SLC39A11: variants seen among roughly 807,000 people sequenced by gnomAD.
The protein encoded by SLC39A11 is solute carrier family 39 member 11.
In SLC39A11, 33 loss-of-function variants were observed where a neutral mutation model predicts 36.1. The ratio of observed to expected loss-of-function variants is 0.91; its 90% CI spans 0.69 to 1.22. The LOEUF (loss-of-function observed/expected upper bound fraction) is 1.22. Among genes scored for constraint, SLC39A11 ranks in the 50% most tolerant of loss-of-function variants. The probability of loss-of-function intolerance (pLI) is 0.00; values close to 1 mark genes in which losing one functional copy is unlikely to be tolerated. For synonymous variants in SLC39A11, 166 were observed against 170.3 expected (o/e 0.97, Z 0.20); for missense variants, 432 against 430.3 (o/e 1.00, Z -0.03).
intron 7 of SLC39A11, among the ~76,000 whole-genome samples, chr17:72,655,225 G>A (rs1480484709): frequency 1.3e-5 from 2 of 152,186 alleles, no homozygotes; most frequent in Admixed American, 6.5e-5. Flanking sequence ...CCACACACCC[G>A]TGCACACGCA....
intron 4 of SLC39A11, among the ~76,000 whole-genome samples, chr17:73,007,789 C>T (rs978192675): frequency 3.3e-5 from 5 of 152,142 alleles, no homozygotes; most frequent in African/African-American, 1.2e-4. Context: ...ATTTTGGACA[C>T]GGAATGACAT....
At chr17:72,770,406 G>A (rs903812465) in intron 6 of SLC39A11, among the ~76,000 whole-genome samples, 1 of 152,214 alleles carries the variant, frequency 6.6e-6, no homozygotes, top group Non-Finnish European at 1.5e-5. Flanking sequence ...ATGGTTGTAG[G>A]CCCATTCCAG....
At chr17:72,660,457 A>G (rs1369839971) in intron 7 of SLC39A11, among the ~76,000 whole-genome samples, 1 of 152,192 alleles carries the variant, frequency 6.6e-6, no homozygotes, top group African/African-American at 2.4e-5. Flanking sequence ...ATGCTCAAGG[A>G]GTTAAATAAC....
chr17:73,052,115 G>A (rs1455047076), intron 3 of SLC39A11, among the ~76,000 whole-genome samples: 7 of 151,494 alleles, frequency 4.6e-5, no homozygotes, highest in Non-Finnish European at 1.0e-4. Context: ...AAGGTGCCCC[G>A]TTTTTTACCG....
intron 6 of SLC39A11, among the ~76,000 whole-genome samples, chr17:72,748,923 G>A (rs983745924): frequency 2.6e-5 from 4 of 152,208 alleles, no homozygotes; most frequent in Admixed American, 6.5e-5. Context: ...GTACGGGAGA[G>A]GGGCCAGAAA....
chr17:73,002,003 A>G (rs1191989007), intron 4 of SLC39A11, among the ~76,000 whole-genome samples: 1 of 152,200 alleles, frequency 6.6e-6, no homozygotes, highest in Non-Finnish European at 1.5e-5. Flanking sequence ...CACAACTGAA[A>G]TAACAACAGC....
chr17:72,873,358 T>A (rs937747996), intron 5 of SLC39A11, among the ~76,000 whole-genome samples: 1 of 152,148 alleles, frequency 6.6e-6, no homozygotes, highest in Non-Finnish European at 1.5e-5. Context: ...ACTAATCACC[T>A]TATCCATTTC....
chr17:72,734,504 A>C lies in SLC39A11; in HGVS notation c.671+2146T>G, dbSNP rs151287100. Among the ~76,000 whole-genome samples, 20 of 152,306 alleles carry C rather than the reference A, an allele frequency of 1.3e-4. No homozygotes were observed. The East Asian group carries it at 3.5e-3, about 26-fold the overall frequency. On this transcript the variant is annotated intron_variant, in intron 7 of 9. Transcript: ENST00000255559. ...TATAGCAGAGGGTCTCGTGAGGCTG[A>C]AAACACCAAGGCCTGCTGCCCCGAC...
intron 4 of SLC39A11, among the ~76,000 whole-genome samples, chr17:72,993,191 G>A (rs2089292904): frequency 6.6e-6 from 1 of 152,150 alleles, no homozygotes; most frequent in Non-Finnish European, 1.5e-5. Context: ...AGGGGCAGCA[G>A]GCACCAGGGA....
chr17:72,853,433 G>T (rs7219476), intron 5 of SLC39A11, among the ~76,000 whole-genome samples: 1 of 151,842 alleles, frequency 6.6e-6, no homozygotes, highest in African/African-American at 2.4e-5. Context: ...CGACAGTTGC[G>T]CTTGTTTTTG....
At chr17:72,952,964 G>C (rs1167919557) in intron 4 of SLC39A11, among the ~76,000 whole-genome samples, 1 of 152,108 alleles carries the variant, frequency 6.6e-6, no homozygotes, top group African/African-American at 2.4e-5. Context: ...GCTCCCAAAT[G>C]TCAAGGTGTC....
intron 4 of SLC39A11, among the ~76,000 whole-genome samples, chr17:72,963,438 G>A (rs1215781665): frequency 1.3e-5 from 2 of 152,010 alleles, no homozygotes; most frequent in East Asian, 3.9e-4. Flanking sequence ...CCAAAGTGCT[G>A]GGATTACAGG....
intron 4 of SLC39A11, among the ~76,000 whole-genome samples, chr17:72,952,296 A>G (rs1440673718): frequency 6.6e-6 from 1 of 152,066 alleles, no homozygotes; most frequent in Non-Finnish European, 1.5e-5. Flanking sequence ...CCAACTCTCA[A>G]TTATTGATAG....
At chr17:72,705,271 G>A (rs374968366) in intron 7 of SLC39A11, among the ~76,000 whole-genome samples, 101 of 152,280 alleles carry the variant, frequency 6.6e-4, no homozygotes, top group South Asian at 2.1e-4. Context: ...GGGAAAAGGC[G>A]GTTATCAAGG....
At chr17:72,781,829 A>C (rs2144883656) in intron 6 of SLC39A11, among the ~76,000 whole-genome samples, 1 of 152,088 alleles carries the variant, frequency 6.6e-6, no homozygotes, top group East Asian at 1.9e-4. Flanking sequence ...TTTTTAAATA[A>C]CAGACTCTCG....
At chr17:72,769,604 GC>G (rs1210268560) in intron 6 of SLC39A11, among the ~76,000 whole-genome samples, 1 of 151,736 alleles carries the variant, frequency 6.6e-6, no homozygotes, top group Non-Finnish European at 1.5e-5. Context: ...GAGTGGAGTG[GC>G]CCGATCTCGG....
chr17:73,058,759 C>A (rs564033722), intron 3 of SLC39A11, among the ~76,000 whole-genome samples: 19 of 152,146 alleles, frequency 1.2e-4, no homozygotes, highest in Admixed American at 1.2e-3. Context: ...AGAAGACTGA[C>A]GCAGTTGAGT....
chr17:72,762,383 T>C (rs1009756586), intron 6 of SLC39A11, among the ~76,000 whole-genome samples: 2 of 152,176 alleles, frequency 1.3e-5, no homozygotes, highest in African/African-American at 2.4e-5. Context: ...AATAGCACCA[T>C]GACAGTTTAC....
chr17:72,926,530 GT>G (rs1479754835), intron 5 of SLC39A11, among the ~76,000 whole-genome samples: 2 of 152,128 alleles, frequency 1.3e-5, no homozygotes, highest in Non-Finnish European at 2.9e-5. Flanking sequence ...TTCTGGGGAT[GT>G]TGCTGTTGTT....
Sources: allele counts gnomAD v4.1 joint callset (sites outside exome capture counted in the v4.1 genomes callset), GRCh38; gene constraint gnomAD v4.1.1; transcripts MANE v1.5; gene names NCBI Gene and HGNC (gene_info 2026-07-23, HGNC 2026-07-21).